The following AKT3 variants were observed in gnomAD, a reference collection of about 807,000 sequenced individuals.
AKT3 encodes the protein AKT serine/threonine kinase 3, also known as RAC-gamma serine/threonine-protein kinase.
AKT3 carries 15 observed loss-of-function variants against 65.3 expected under a neutral mutation model. The observed-to-expected ratio is 0.23, with a 90% confidence interval of 0.15 to 0.35. The LOEUF is 0.35. Among genes scored for constraint, AKT3 ranks in the 10% least tolerant of loss-of-function variants. AKT3 has a pLI of 1.00. For missense variants in AKT3, 243 were observed against 576.5 expected (o/e 0.42, Z 5.92); for synonymous variants, 206 against 183.8 (o/e 1.12, Z -0.98).
downstream of AKT3, among the ~76,000 whole-genome samples, chr1:243,495,045 T>C (rs1256615990): frequency 6.6e-6 from 1 of 152,230 alleles, no homozygotes; most frequent in Admixed American, 6.5e-5. Flanking sequence ...ATGGTTCATA[T>C]AAAACACAGA....
At chr1:243,542,697 C>G (rs774498506) in intron 12 of AKT3, among the ~76,000 whole-genome samples, 1 of 152,098 alleles carries the variant, frequency 6.6e-6, no homozygotes, top group Non-Finnish European at 1.5e-5. Context: ...CACTAAAACA[C>G]TGAAATTTTA....
At chr1:243,830,586 C>A (rs1353466137) in intron 2 of AKT3, among the ~76,000 whole-genome samples, 1 of 152,086 alleles carries the variant, frequency 6.6e-6, no homozygotes, top group Non-Finnish European at 1.5e-5. Flanking sequence ...GTGCTCAGAG[C>A]TGTTAAATAA....
intron 12 of AKT3, among the ~76,000 whole-genome samples, chr1:243,518,832 G>A (rs545562380): frequency 3.3e-5 from 5 of 152,176 alleles, no homozygotes; most frequent in Non-Finnish European, 5.9e-5. Context: ...ATACTGATTT[G>A]TTATAACATG....
intron 9 of AKT3, among the ~76,000 whole-genome samples, chr1:243,565,758 C>G (rs930248052): frequency 1.3e-5 from 2 of 152,162 alleles, no homozygotes; most frequent in Non-Finnish European, 2.9e-5. Flanking sequence ...AACAACCTCT[C>G]TTCTTCCTCC....
chr1:243,508,471 T>C (rs1302567546), intron 13 of AKT3, among the ~76,000 whole-genome samples: 1 of 152,166 alleles, frequency 6.6e-6, no homozygotes, highest in Non-Finnish European at 1.5e-5. Context: ...TCCGTCTGAC[T>C]TTCCTTGCTA....
At chr1:243,507,557 G>C (rs954234133) in intron 13 of AKT3, among the ~76,000 whole-genome samples, 3 of 152,230 alleles carry the variant, frequency 2.0e-5, no homozygotes, top group Non-Finnish European at 2.9e-5. Flanking sequence ...GGAGGAAGTG[G>C]CAGCTGACTC....
At chr1:243,634,748 A>G (rs1156242875) in intron 6 of AKT3, among the ~76,000 whole-genome samples, 2 of 152,018 alleles carry the variant, frequency 1.3e-5, no homozygotes, top group African/African-American at 4.8e-5. Flanking sequence ...ACAGCAAGAT[A>G]TAACAATAAT....
chr1:243,591,017 C>G (rs1676189099), intron 8 of AKT3, among the ~76,000 whole-genome samples: 2 of 151,702 alleles, frequency 1.3e-5, no homozygotes, highest in African/African-American at 4.9e-5. Context: ...ACAAAAAGAG[C>G]CTACGAGGAT....
chr1:243,489,844 C>T (rs947933064), intron 13 of AKT3, among the ~76,000 whole-genome samples: 102 of 152,314 alleles, frequency 6.7e-4, no homozygotes, highest in African/African-American at 2.4e-3. Flanking sequence ...GATCCGGGGC[C>T]ACCAGCAGGG....
intron 2 of AKT3, among the ~76,000 whole-genome samples, chr1:243,834,371 T>A (rs963121808): frequency 5.9e-5 from 9 of 152,156 alleles, no homozygotes; most frequent in Admixed American, 3.3e-4. Flanking sequence ...TGGATGGAGC[T>A]GGAGGGTATT....
chr1:243,673,633 T>TC (rs1245177630), intron 3 of AKT3, among the ~76,000 whole-genome samples: 1 of 150,396 alleles, frequency 6.6e-6, no homozygotes, highest in Non-Finnish European at 1.5e-5. Context: ...TTTTTTTTTT[T>TC]AGACAGAGTC....
intron 13 of AKT3, among the ~76,000 whole-genome samples, chr1:243,508,213 G>A (rs1443131383): frequency 6.6e-6 from 1 of 152,176 alleles, no homozygotes; most frequent in African/African-American, 2.4e-5. Context: ...GCTCCTTAAG[G>A]GAATCTAGGA....
At chr1:243,592,909 G>C (rs1173020300) in intron 8 of AKT3, among the ~76,000 whole-genome samples, 1 of 152,154 alleles carries the variant, frequency 6.6e-6, no homozygotes, top group Admixed American at 6.5e-5. Flanking sequence ...AAAATGTATT[G>C]TAACAACAGT....
At chr1:243,590,603 G>T (rs1467864492) in intron 8 of AKT3, among the ~76,000 whole-genome samples, 1 of 151,770 alleles carries the variant, frequency 6.6e-6, no homozygotes, top group Admixed American at 6.6e-5. Flanking sequence ...AGAGATAAAG[G>T]GAAATAGAAA....
intron 12 of AKT3, among the ~76,000 whole-genome samples, chr1:243,544,550 A>G (rs1287744964): frequency 6.6e-6 from 1 of 152,102 alleles, no homozygotes; most frequent in African/African-American, 2.4e-5. Flanking sequence ...CTGGGGAGGT[A>G]GAGGCTGCTG....
chr1:243,557,762 T>G (rs573374969), intron 10 of AKT3, among the ~76,000 whole-genome samples: 34 of 152,072 alleles, frequency 2.2e-4, no homozygotes, highest in Non-Finnish European at 4.4e-4. Flanking sequence ...TTCCCTTTAA[T>G]CATGGTGATG....
intron 2 of AKT3, among the ~76,000 whole-genome samples, chr1:243,804,995 C>T (rs1303891052): frequency 6.6e-6 from 1 of 152,150 alleles, no homozygotes; most frequent in Admixed American, 6.5e-5. Flanking sequence ...GAACATACCA[C>T]AACTTTACTC....
At chr1:243,674,337 C>T (rs778052952) in intron 3 of AKT3, among the ~76,000 whole-genome samples, 4 of 152,110 alleles carry the variant, frequency 2.6e-5, no homozygotes, top group Non-Finnish European at 5.9e-5. Flanking sequence ...CTGTCACCAC[C>T]GTAACCCAGT....
rs192658426 is a variant in AKT3, at chr1:243,728,926, G to C, written c.47-33210C>G. 1.2e-3 allele frequency among the ~76,000 whole-genome samples: 187 copies of C among 152,268 alleles called. 1 individual carries two copies. The highest frequency in any genetic ancestry group is 2.5e-3 in the South Asian group (12 of 4,830). ...CTCCAATAAGTAGGCATCAGGTAGT[G>C]TATCAAGAACTGATACAAGATCAGA... On this transcript the variant is annotated intron_variant, in intron 2 of 13. Coordinates refer to ENST00000673466, the MANE Select transcript of AKT3 (RefSeq NM_005465.7).
Sources: allele counts gnomAD v4.1 joint callset (sites outside exome capture counted in the v4.1 genomes callset), GRCh38; gene constraint gnomAD v4.1.1; transcripts MANE v1.5; gene names NCBI Gene and HGNC (gene_info 2026-07-23, HGNC 2026-07-21).